SLC23A1: variants seen among roughly 807,000 people sequenced by gnomAD.
The protein encoded by SLC23A1 is Na(+)/L-ascorbic acid transporter 1.
Under a neutral mutation model 62.5 loss-of-function variants are expected in SLC23A1, and 31 were observed. The observed-to-expected ratio is 0.50, with a 90% CI of 0.37 to 0.67. The LOEUF is 0.67. SLC23A1 is among the 30% of genes least tolerant of loss of function. The pLI is 0.00. For missense variants in SLC23A1, 640 were observed against 782.7 expected (o/e 0.82, Z 2.18); for synonymous variants, 271 against 313.2 (o/e 0.87, Z 1.42).
chr5:139,384,814 C>T (rs1160058762), upstream of SLC23A1: 38 of 871,910 alleles, frequency 4.4e-5, no homozygotes, highest in Admixed American at 2.5e-4. Flanking sequence ...CATGGGTGCC[C>T]GGCTCCACAC....
chr5:139,377,969 A>G lies in SLC23A1; in HGVS notation c.1453+6T>C. The G allele has an allele frequency of 6.2e-7, 1 of 1,613,054 alleles. No individual in the cohort carries two copies. Among genetic ancestry groups the G allele is most frequent in the South Asian group, 1.1e-5 (1 of 90,840 alleles). On this transcript the variant is annotated splice_donor_region_variant and intron_variant, in intron 12 of 14. Coordinates refer to ENST00000348729, the MANE Select transcript of SLC23A1 (RefSeq NM_005847.5). ...GCCTTTGGAGACAGTAAACAGCTGG[A>G]GGCACCTGTATTGATGGCGCCAGGG...
chr5:139,368,265 G>A (rs577895346), intron 14 of SLC23A1, among the ~76,000 whole-genome samples: 19 of 152,300 alleles, frequency 1.2e-4, no homozygotes, highest in East Asian at 3.9e-4. Context: ...GTGTGAACCC[G>A]GGAGGCGGAG....
chr5:139,385,549 T>A (rs1376611408), upstream of SLC23A1, among the ~76,000 whole-genome samples: 2 of 152,176 alleles, frequency 1.3e-5, no homozygotes, highest in South Asian at 4.1e-4. Flanking sequence ...CAAGGTGGCC[T>A]GCGTGCACAG....
At position 139,380,873 on chromosome 5, in the gene SLC23A1, G is replaced by T; in HGVS notation, c.322C>A (p.Gln108Lys). ...TTVGIRLPLF[Q>K]ASAFAFLVPA... ...ACCAGAAATGCAAAGGCACTGGCCT[G>T]GAACAGCGGCAGCCTGGAGGAGAGG... Residue 108 changes from glutamine to lysine, a missense_variant, in exon 4 of 15, where the codon CAG becomes AAG. Gln to Lys is a moderately conservative substitution (Grantham distance 53). Coordinates refer to ENST00000348729, the MANE Select transcript of SLC23A1 (RefSeq NM_005847.5). 7.5e-7 allele frequency: 1 copy of T among 1,324,912 alleles called. No individual in the cohort carries two copies. Among genetic ancestry groups the T allele is most frequent in the Non-Finnish European group, 1.0e-6 (1 of 1,000,440 alleles). 82.1% of individuals were successfully genotyped at this position (1,324,912 alleles called of 1,614,324 possible).
At chr5:139,380,910 A>T in intron 3 of SLC23A1, 24 bp from the exon 4 acceptor site, 2 of 57,888 alleles carry the variant, frequency 3.5e-5, no homozygotes, top group East Asian at 7.9e-4. Context: ...ACAAAGCAAC[A>T]GGGGTGGGGA....
chr5:139,368,897 C>A, intron 14 of SLC23A1: 1 of 894,288 alleles, frequency 1.1e-6, no homozygotes, highest in Non-Finnish European at 1.8e-6. Flanking sequence ...CACTGTGTTA[C>A]ACTTATGCAT....
intron 13 of SLC23A1, among the ~76,000 whole-genome samples, chr5:139,374,655 T>C (rs1276756154): frequency 6.6e-6 from 1 of 152,220 alleles, no homozygotes; most frequent in Non-Finnish European, 1.5e-5. Flanking sequence ...GCTGAGCTTA[T>C]GTGGCATGAC....
At chr5:139,375,017 A>C (rs1281673126) in intron 13 of SLC23A1, among the ~76,000 whole-genome samples, 1 of 152,154 alleles carries the variant, frequency 6.6e-6, no homozygotes, top group African/African-American at 2.4e-5. Flanking sequence ...GATTCTGCCT[A>C]AAATCCTACG....
chr5:139,383,264 C>G lies in SLC23A1; in HGVS notation c.-11G>C. 1 of 1,482,878 alleles carries G rather than the reference C, an allele frequency of 6.7e-7. No homozygotes were observed. Among genetic ancestry groups the G allele is most frequent in the Non-Finnish European group, 9.1e-7 (1 of 1,101,656 alleles). The allele number at this position is 1,482,878 out of a possible 1,614,324, so 91.9% of individuals were successfully genotyped here. On this transcript the variant is annotated 5_prime_UTR_variant, in exon 1 of 15. Coordinates refer to ENST00000348729, the MANE Select transcript of SLC23A1 (RefSeq NM_005847.5). ...CTCCTGGGCCCTCATCTTTGGGGCA[C>G]AGGTTTGAGCAGTTCCTGAGGAGAA... is the stretch of plus-strand genomic sequence containing the variant.
intron 14 of SLC23A1, among the ~76,000 whole-genome samples, chr5:139,369,973 T>G (rs755673631): frequency 6.6e-6 from 1 of 152,236 alleles, no homozygotes; most frequent in Admixed American, 6.5e-5. Context: ...TAAGAAACTT[T>G]ATGGCTGACC....
intron 14 of SLC23A1, among the ~76,000 whole-genome samples, 185 bp downstream of exon 14, chr5:139,371,802 T>C (rs536840769): frequency 6.6e-6 from 1 of 152,230 alleles, no homozygotes; most frequent in Non-Finnish European, 1.5e-5. Context: ...CTGCTGTTAC[T>C]ATGAAATGGT....
At chr5:139,374,524 T>C (rs1757850639) in intron 13 of SLC23A1, among the ~76,000 whole-genome samples, 1 of 152,352 alleles carries the variant, frequency 6.6e-6, no homozygotes, top group East Asian at 1.9e-4. Flanking sequence ...AGGCTTTTGC[T>C]ATTCCATGGT....
chr5:139,382,869 C>T (rs993124157), intron 1 of SLC23A1, among the ~76,000 whole-genome samples: 2 of 152,146 alleles, frequency 1.3e-5, no homozygotes, highest in Non-Finnish European at 2.9e-5. Flanking sequence ...GGAAGTGGAC[C>T]CTTAAGTCAG....
Position 139,375,090 on chromosome 5 carries a change from C to G in SLC23A1, c.1549+2312G>C, listed in dbSNP as rs1299166194. Among the ~76,000 whole-genome samples the G allele has an allele frequency of 4.6e-5, 7 of 152,236 alleles. No homozygotes were observed. In the East Asian group the frequency reaches 1.3e-3, roughly 29 times the overall value. On this transcript the variant is annotated intron_variant, in intron 13 of 14. Coordinates refer to ENST00000348729, the MANE Select transcript of SLC23A1 (RefSeq NM_005847.5). ...CCCACCAGCTGTTCAGAGACAGCCT[C>G]TGACACCTATGTTATGTGAACATGA...
intron 14 of SLC23A1, among the ~76,000 whole-genome samples, chr5:139,367,942 G>A (rs1221271189): frequency 1.3e-5 from 2 of 152,202 alleles, no homozygotes; most frequent in Non-Finnish European, 2.9e-5. Context: ...AGTGGCTCAC[G>A]CCTGTAGTCC....
In SLC23A1 at chr5:139,367,424, G is replaced by A. The variant is rs1757319156; in HGVS notation, c.*227C>T. The stretch of plus-strand genomic sequence containing the variant: ...AGGAGAGTAAAGATTTAGAGACATA[G>A]CATAACATTGGTACAAGTCTCTAAG... On this transcript the variant is annotated 3_prime_UTR_variant, in exon 15 of 15. Transcript: ENST00000348729. The A allele has an allele frequency of 6.6e-6, 1 of 152,064 alleles. No individual in the cohort carries two copies. The highest frequency in any genetic ancestry group is 1.5e-5 in the Non-Finnish European group (1 of 68,014). 9.4% of individuals were successfully genotyped at this position (152,064 alleles called of 1,614,324 possible).
In SLC23A1 at chr5:139,377,994, G is replaced by T; in HGVS notation, c.1434C>A (p.Asn478Lys). 1 of 1,613,910 alleles carries T rather than the reference G, an allele frequency of 6.2e-7. No homozygotes were observed. The highest frequency in any genetic ancestry group is 1.7e-4 in the Middle Eastern group (1 of 6,060). ...GLTLPNYLESNPGAINTGILE... is the reference protein window; with the variant it reads ...GLTLPNYLESKPGAINTGILE... The stretch of plus-strand genomic sequence containing the variant: ...AGGCACCTGTATTGATGGCGCCAGG[G>T]TTGGACTCCAGGTAATTGGGCAGCG... Residue 478 changes from asparagine (N) to lysine (K), a missense_variant, in exon 12 of 15, where the codon AAC becomes AAA. Coordinates refer to ENST00000348729, the MANE Select transcript of SLC23A1 (RefSeq NM_005847.5).
chr5:139,368,747 G>T, intron 14 of SLC23A1: 10 of 1,613,104 alleles, frequency 6.2e-6, no homozygotes, highest in Non-Finnish European at 8.5e-6. Context: ...AGAGCAATCT[G>T]AATCCAAATG....
intron 13 of SLC23A1, among the ~76,000 whole-genome samples, chr5:139,374,267 G>T (rs1757834349): frequency 2.0e-5 from 3 of 152,144 alleles, no homozygotes; most frequent in Admixed American, 2.0e-4. Context: ...TAAAGACAAA[G>T]AGCACCCTGT....
Sources: gnomAD v4.1 joint callset for allele counts (sites outside exome capture counted in the v4.1 genomes callset) on GRCh38, gnomAD v4.1.1 for gene constraint, MANE v1.5 for transcripts, NCBI Gene and HGNC (gene_info 2026-07-23, HGNC 2026-07-21) for gene names.